The following COQ5 variants were observed in gnomAD, a reference collection of about 807,000 sequenced individuals.
COQ5 encodes the protein 2-methoxy-6-polyprenyl-1,4-benzoquinol methylase, mitochondrial.
Under a neutral mutation model 40.5 loss-of-function variants are expected in COQ5, and 27 were observed. That is an observed-to-expected ratio of 0.67 (90% CI 0.49 to 0.92). The LOEUF is 0.92. Ranked by LOEUF, COQ5 falls within the 40% of genes least tolerant of loss-of-function variation. The probability of loss-of-function intolerance (pLI) is 0.00; values close to 1 mark genes in which losing one functional copy is unlikely to be tolerated. For missense variants in COQ5, 409 were observed against 406.4 expected, an observed-to-expected ratio of 1.01 and a Z score of -0.06; for synonymous variants, 141 against 150.0, an observed-to-expected ratio of 0.94 and a Z score of 0.44.
At position 120,510,039 on chromosome 12, in the gene COQ5, C is replaced by G. The variant is rs528148814; in HGVS notation, c.659G>C (p.Arg220Pro). The change falls in exon 4 of 7, where the codon CGG (arginine) becomes CCG (proline). Residue 220 changes from arginine (R) to proline (P), a missense_variant. Arg to Pro is a moderately radical substitution (Grantham distance 103). Transcript: ENST00000288532. ...FDIYTIAFGIRNVTHIDQALQ... is the reference protein window; with the variant it reads ...FDIYTIAFGIPNVTHIDQALQ... ...TACCTGATCAATGTGTGTGACATTC[C>G]GGATCCCAAAGGCAATGGTGTAAAT... The G allele has an allele frequency of 1.2e-6, 2 of 1,613,864 alleles. No individual in the cohort carries two copies. The highest frequency in any genetic ancestry group is 2.2e-5 in the South Asian group (2 of 91,074).
chr12:120,521,906 A>G (rs1869678809), intron 2 of COQ5, among the ~76,000 whole-genome samples: 1 of 152,032 alleles, frequency 6.6e-6, no homozygotes, highest in African/African-American at 2.4e-5. Flanking sequence ...CTGAGGCAGG[A>G]GAATTGCTTG....
At chr12:120,522,407 C>T (rs1277715113) in intron 1 of COQ5, 44 bp from the exon 2 acceptor site, 7 of 1,598,824 alleles carry the variant, frequency 4.4e-6, no homozygotes, top group African/African-American at 1.3e-5. Context: ...TAACAGAATT[C>T]CCTTAGAAAA....
intron 2 of COQ5, among the ~76,000 whole-genome samples, 156 bp downstream of exon 2, chr12:120,522,057 CA>C (rs1187802413): frequency 1.3e-5 from 2 of 152,036 alleles, no homozygotes; most frequent in African/African-American, 4.8e-5. Flanking sequence ...GATATTCAGT[CA>C]AAAAGATAAG....
intron 5 of COQ5, 30 bp downstream of exon 5, chr12:120,504,865 T>G (rs1025192358): frequency 1.3e-6 from 2 of 1,575,548 alleles, no homozygotes; most frequent in Admixed American, 1.7e-5. Context: ...GGCTATACAA[T>G]GAAGATAAAG....
intron 1 of COQ5, among the ~76,000 whole-genome samples, chr12:120,524,330 G>A (rs1869831665): frequency 6.6e-6 from 1 of 151,648 alleles, no homozygotes; most frequent in African/African-American, 2.4e-5. Flanking sequence ...GCGCGATCTC[G>A]GCTCACTGCA....
At chr12:120,526,566 A>C in intron 1 of COQ5, 1 of 425,716 alleles carries the variant, frequency 2.3e-6, no homozygotes, top group Non-Finnish European at 4.7e-6. Flanking sequence ...ATTTCATAAC[A>C]TTGAAAGCAC....
At chr12:120,519,212 G>A (rs542514919) in intron 2 of COQ5, among the ~76,000 whole-genome samples, 3 of 152,298 alleles carry the variant, frequency 2.0e-5, no homozygotes, top group East Asian at 1.9e-4. Context: ...GTGATGCAAT[G>A]AGCGTATATG....
Position 120,503,426 on chromosome 12 carries a change from T to C in COQ5, c.*358A>G. 2.5e-6 allele frequency: 1 copy of C among 392,930 alleles called. No individual in the cohort carries two copies. Among genetic ancestry groups the C allele is most frequent in the Non-Finnish European group, 4.9e-6 (1 of 202,612 alleles). 24.3% of individuals were successfully genotyped at this position (392,930 alleles called of 1,614,324 possible). A position where few individuals can be genotyped will look rare whatever the true frequency, so the allele number is the denominator to read the frequency against. On this transcript the variant is annotated 3_prime_UTR_variant, in exon 7 of 7. Transcript: ENST00000288532. ...AAAAATTGTCATTGGGTTCAAATGA[T>C]CTATCATCCCTCTAGAAGGCAGCAC...
intron 3 of COQ5, among the ~76,000 whole-genome samples, chr12:120,511,391 A>T (rs1869132647): frequency 6.6e-6 from 1 of 152,140 alleles, no homozygotes; most frequent in Non-Finnish European, 1.5e-5. Context: ...TTTTATGTAC[A>T]TCTTTAGATA....
intron 4 of COQ5, 132 bp from the exon 5 acceptor site, chr12:120,505,115 C>T (rs985346143): frequency 7.2e-5 from 53 of 736,212 alleles, no homozygotes; most frequent in Non-Finnish European, 1.1e-4. Flanking sequence ...TTTGTTCTCA[C>T]TTGGGAAGCT....
chr12:120,521,317 G>A (rs545360330), intron 2 of COQ5, among the ~76,000 whole-genome samples: 30 of 149,170 alleles, frequency 2.0e-4, no homozygotes, highest in Non-Finnish European at 4.0e-4. Flanking sequence ...TCCACCCACC[G>A]TGGCCACCCA....
chr12:120,519,377 A>G (rs1395246616), intron 2 of COQ5, among the ~76,000 whole-genome samples: 1 of 151,592 alleles, frequency 6.6e-6, no homozygotes, highest in African/African-American at 2.4e-5. Context: ...TGGCCAATAT[A>G]GTAAAACCTT....
At chr12:120,504,407 A>AT (rs1453254902) in intron 5 of COQ5, among the ~76,000 whole-genome samples, 17 of 118,996 alleles carry the variant, frequency 1.4e-4, no homozygotes, top group Admixed American at 3.2e-4. Context: ...TCCTGATTTA[A>AT]ATTTTTTTTT....
chr12:120,515,928 T>C (rs1212812895), intron 3 of COQ5, among the ~76,000 whole-genome samples: 4 of 152,172 alleles, frequency 2.6e-5, no homozygotes, highest in Non-Finnish European at 5.9e-5. Flanking sequence ...TTTTTTATTG[T>C]TTAAGTTTCT....
At chr12:120,512,070 C>T (rs952191503) in intron 3 of COQ5, among the ~76,000 whole-genome samples, 1 of 151,960 alleles carries the variant, frequency 6.6e-6, no homozygotes, top group Non-Finnish European at 1.5e-5. Context: ...ATTAGCCAGA[C>T]GTGGTGGTGG....
At chr12:120,517,621 G>C (rs1869440910) in intron 2 of COQ5, among the ~76,000 whole-genome samples, 1 of 150,246 alleles carries the variant, frequency 6.7e-6, no homozygotes, top group African/African-American at 2.4e-5. Context: ...GGCAGAGCTT[G>C]CAGTGAGCCA....
intron 4 of COQ5, among the ~76,000 whole-genome samples, 180 bp from the exon 5 acceptor site, chr12:120,505,163 T>C (rs1481342799): frequency 6.6e-6 from 1 of 152,212 alleles, no homozygotes; most frequent in East Asian, 1.9e-4. Context: ...CCAAATGCTA[T>C]AGGCATTCTG....
intron 1 of COQ5, chr12:120,523,349 A>T: frequency 3.0e-6 from 1 of 330,056 alleles, no homozygotes; most frequent in Non-Finnish European, 5.8e-6. Context: ...AGAAAAAAAA[A>T]TAGGATTCAT....
chr12:120,504,074 C>A lies in COQ5; in HGVS notation c.778G>T (p.Asp260Tyr). ...VNNPLISRLY[D>Y]LYSFQVIPVL... ...GGGATGACCTGGAAGCTATATAGAT[C>A]ATAAAGCCTAGGCAAACAAAAAGGT... is the stretch of plus-strand genomic sequence containing the variant. Residue 260 changes from aspartate (D) to tyrosine (Y), a missense_variant, in exon 6 of 7, where the codon GAT (aspartate) becomes TAT (tyrosine). Coordinates refer to ENST00000288532, the MANE Select transcript of COQ5 (RefSeq NM_032314.4). The A allele has an allele frequency of 6.3e-7, 1 of 1,594,928 alleles. No homozygotes were observed. Among genetic ancestry groups the A allele is most frequent in the South Asian group, 1.1e-5 (1 of 90,640 alleles).
Sources: gnomAD v4.1 joint callset for allele counts (sites outside exome capture counted in the v4.1 genomes callset) on GRCh38, gnomAD v4.1.1 for gene constraint, MANE v1.5 for transcripts, NCBI Gene and HGNC (gene_info 2026-07-23, HGNC 2026-07-21) for gene names.